HEXB: variants seen among roughly 807,000 people sequenced by gnomAD.
HEXB encodes hexosaminidase subunit beta.
A neutral mutation model predicts 71.2 loss-of-function variants in HEXB; 51 were observed. The observed-to-expected ratio is 0.72, with a 90% CI of 0.57 to 0.90. The LOEUF (loss-of-function observed/expected upper bound fraction) is 0.90. HEXB is among the 40% of genes least tolerant of loss of function. The pLI is 0.00. For missense variants in HEXB, 617 were observed against 677.0 expected (o/e 0.91, Z 0.98); for synonymous variants, 266 against 249.3 (o/e 1.07, Z -0.63).
chr5:74,647,118 A>G (rs1239186546), intron 1 of HEXB, among the ~76,000 whole-genome samples: 2 of 152,196 alleles, frequency 1.3e-5, no homozygotes, highest in Non-Finnish European at 2.9e-5. Context: ...GTGGCTTTGC[A>G]CAACCCAGGG....
At chr5:74,703,840 A>T (rs1326702785) in intron 5 of HEXB, among the ~76,000 whole-genome samples, 1 of 152,034 alleles carries the variant, frequency 6.6e-6, no homozygotes, top group African/African-American at 2.4e-5. Context: ...ATGCCCAGCT[A>T]ATTTCTTAAA....
intron 5 of HEXB, among the ~76,000 whole-genome samples, chr5:74,701,055 T>G (rs1749249319): frequency 6.6e-6 from 1 of 151,848 alleles, no homozygotes; most frequent in Admixed American, 6.6e-5. Context: ...CTAACATTTT[T>G]TTTTTTTTTA....
In HEXB at chr5:74,721,212, A is replaced by ACAAT. The variant is rs577816925; in HGVS notation, c.*41_*44dup. On this transcript the variant is annotated 3_prime_UTR_variant, in exon 14 of 14. Coordinates refer to ENST00000261416, the MANE Select transcript of HEXB (RefSeq NM_000521.4). ...GAAAAAGGCCACAGCAATCTGTACT[A>ACAAT]CAATCAACTTTATTTTGAAATCATG... 27 of 1,439,328 alleles carry ACAAT rather than the reference A, an allele frequency of 1.9e-5. No individual in the cohort carries two copies. The highest frequency in any genetic ancestry group is 1.8e-4 in the East Asian group (8 of 43,912). The allele number at this position is 1,439,328 out of a possible 1,614,324, so 89.2% of individuals were successfully genotyped here.
Position 74,641,295 on chromosome 5 carries a change from C to CT in HEXB, c.-377+738dup, listed in dbSNP as rs1294671455. The CT allele has an allele frequency of 1.3e-5, 2 of 152,470 alleles. No homozygotes were observed. The highest frequency in any genetic ancestry group is 4.8e-5 in the African/African-American group (2 of 41,450). The allele number at this position is 152,470 out of a possible 1,614,324, so 9.4% of individuals were successfully genotyped here. On this transcript the variant is annotated intron_variant, in intron 1 of 13. Transcript: ENST00000511181. This position sits in a 1 kb window ranked among gnomAD's most constrained non-coding sequence, Gnocchi z 4.1. ...CAAAAGTCTGGACAGTTTAGGGACA[C>CT]TCGGGTTGAGCAAGCCAGGACGTTT...
At chr5:74,668,558 G>A (rs1476868405) in intron 1 of HEXB, among the ~76,000 whole-genome samples, 1 of 152,164 alleles carries the variant, frequency 6.6e-6, no homozygotes, top group African/African-American at 2.4e-5. Flanking sequence ...TGTGAAACAA[G>A]ACCAGTCCTA....
At chr5:74,661,219 C>A (rs977074242) in intron 1 of HEXB, among the ~76,000 whole-genome samples, 2 of 152,170 alleles carry the variant, frequency 1.3e-5, no homozygotes, top group Non-Finnish European at 2.9e-5. Context: ...ATCACCCTAG[C>A]CTTCCAGAAG....
At chr5:74,694,160 A>G (rs781221292) in intron 3 of HEXB, among the ~76,000 whole-genome samples, 5 of 152,298 alleles carry the variant, frequency 3.3e-5, no homozygotes, top group Non-Finnish European at 7.4e-5. Context: ...CCCCTGTCTC[A>G]AAAAAATACA....
At chr5:74,667,375 C>T (rs1002972440) in intron 1 of HEXB, among the ~76,000 whole-genome samples, 3 of 151,958 alleles carry the variant, frequency 2.0e-5, no homozygotes, top group Admixed American at 6.6e-5. Flanking sequence ...GCCGAAATCA[C>T]GCCATTGCAC....
intron 1 of HEXB, among the ~76,000 whole-genome samples, chr5:74,657,937 G>A (rs1748251412): frequency 6.6e-6 from 1 of 152,158 alleles, no homozygotes; most frequent in African/African-American, 2.4e-5. Flanking sequence ...AAGCTACTTG[G>A]TCTCTTTGAA....
chr5:74,706,908 C>T (rs1228034543), intron 6 of HEXB, among the ~76,000 whole-genome samples: 2 of 152,222 alleles, frequency 1.3e-5, no homozygotes, highest in African/African-American at 4.8e-5. Context: ...CCTCTGCAGA[C>T]TTAAATGTCC....
At chr5:74,667,165 A>G (rs1401639580) in intron 1 of HEXB, among the ~76,000 whole-genome samples, 1 of 152,140 alleles carries the variant, frequency 6.6e-6, no homozygotes, top group Non-Finnish European at 1.5e-5. Flanking sequence ...CTGTAATCCC[A>G]GCACTTTGGG....
At chr5:74,707,252 TAACA>T (rs1173577374) in intron 6 of HEXB, among the ~76,000 whole-genome samples, 1 of 152,150 alleles carries the variant, frequency 6.6e-6, no homozygotes, top group Non-Finnish European at 1.5e-5. Flanking sequence ...GAAGGAAAAC[TAACA>T]AACAGAAAGG....
At chr5:74,713,668 A>G (rs1416153135) in intron 7 of HEXB, 33 bp downstream of exon 7, 2 of 1,574,160 alleles carry the variant, frequency 1.3e-6, no homozygotes, top group Non-Finnish European at 8.7e-7. Flanking sequence ...ATTTTATCTT[A>G]TTTTTTATTT....
At chr5:74,642,865 G>T (rs931036628) in intron 1 of HEXB, among the ~76,000 whole-genome samples, 9 of 152,138 alleles carry the variant, frequency 5.9e-5, no homozygotes, top group African/African-American at 2.2e-4. Flanking sequence ...ACCATCCGCT[G>T]GTGCCACTTT....
chr5:74,677,925 T>C (rs2112111722), intron 1 of HEXB, among the ~76,000 whole-genome samples: 1 of 152,180 alleles, frequency 6.6e-6, no homozygotes, highest in South Asian at 2.1e-4. Flanking sequence ...TTATTTAAAA[T>C]AGGAAGAAAT....
Position 74,720,659 on chromosome 5 carries a change from G to C in HEXB, c.1525G>C (p.Val509Leu). 6.2e-7 allele frequency: 1 copy of C among 1,614,174 alleles called. No homozygotes were observed. The highest frequency in any genetic ancestry group is 1.3e-5 in the African/African-American group (1 of 75,062). ...AAATTTTAGGCCTCGGGCAAGTGCT[G>C]TTGGTGAGAGACTCTGGAGTTCCAA... ...TPRLWPRASAVGERLWSSKDV... is the reference protein window; with the variant it reads ...TPRLWPRASALGERLWSSKDV... Residue 509 changes from valine (V) to leucine (L), a missense_variant, in exon 13 of 14, where the codon GTT becomes CTT. Val to Leu is a conservative substitution (Grantham distance 32). Coordinates refer to ENST00000261416, the MANE Select transcript of HEXB (RefSeq NM_000521.4).
At chr5:74,667,899 A>G (rs541006831) in intron 1 of HEXB, among the ~76,000 whole-genome samples, 72 of 152,308 alleles carry the variant, frequency 4.7e-4, no homozygotes, top group African/African-American at 1.7e-3. Flanking sequence ...ACTAGCCGCC[A>G]TCACCCCATC....
rs890990591 is a variant in HEXB at position 74,699,250 on chromosome 5, C to G, written c.669+2144C>G. ...GACTTTTTAAAAAACTTAAATGAGA[C>G]TGTACTTTTGCTACCCCCCACCCCC... On this transcript the variant is annotated intron_variant, in intron 5 of 13. Transcript: ENST00000261416. Among the ~76,000 whole-genome samples, 3 of 151,932 alleles carry G rather than the reference C, an allele frequency of 2.0e-5. No individual in the cohort carries two copies. In the South Asian group the frequency reaches 6.2e-4, roughly 32 times the overall value.
chr5:74,717,343 TA>T (rs1402124385), intron 9 of HEXB, among the ~76,000 whole-genome samples: 1 of 152,118 alleles, frequency 6.6e-6, no homozygotes, highest in Non-Finnish European at 1.5e-5. Context: ...ACAGTAGCCA[TA>T]GCCACAGGTG....
Sources: gnomAD v4.1 joint callset for allele counts (sites outside exome capture counted in the v4.1 genomes callset) on GRCh38, gnomAD v4.1.1 for gene constraint, Gnocchi (gnomAD v3.1) non-coding constraint, MANE v1.5 for transcripts, NCBI Gene and HGNC (gene_info 2026-07-23, HGNC 2026-07-21) for gene names.